Variants in TMEM268 observed in about 807,000 individuals in gnomAD.
TMEM268 encodes transmembrane protein 268.
In TMEM268, 24 loss-of-function variants were observed where a neutral mutation model predicts 39.1. The observed-to-expected ratio is 0.61, with a 90% confidence interval of 0.44 to 0.86. The LOEUF (loss-of-function observed/expected upper bound fraction) is 0.86. TMEM268 is among the 40% of genes least tolerant of loss of function. The pLI is 0.00. For synonymous variants in TMEM268, 176 were observed against 173.5 expected (o/e 1.01, Z -0.12); for missense variants, 409 against 428.6 (o/e 0.95, Z 0.40).
rs143955626 is a variant in TMEM268, at chr9:114,643,119, C to T, written c.850-15C>T. 537 of 1,613,994 alleles carry T rather than the reference C, an allele frequency of 3.3e-4. 5 individuals are homozygous for T. In the East Asian group the frequency reaches 9.9e-3, roughly 30 times the overall value. Reference sequence around the variant, plus strand: ...CTCCCCTGTGGTATTCAATCTGCTTCCCTGCCTCTTCTAGGAAATGGCCCG... The same window carrying T: ...CTCCCCTGTGGTATTCAATCTGCTTTCCTGCCTCTTCTAGGAAATGGCCCG... On this transcript the variant is annotated splice_polypyrimidine_tract_variant and intron_variant, in intron 8 of 8. Transcript: ENST00000288502.
In TMEM268 at chr9:114,611,539, CG is replaced by C. The variant is rs1845485796; in HGVS notation, c.-102del. On this transcript the variant is annotated 5_prime_UTR_variant, in exon 1 of 9. Coordinates refer to ENST00000288502, the MANE Select transcript of TMEM268 (RefSeq NM_153045.4). ...GACCTTCCGCGTCCCGGGGTGGCGG[CG>C]GCGGCGGCGGCGGCGGCGCGGGCGG... The C allele has an allele frequency of 6.1e-6, 1 of 164,712 alleles. No individual in the cohort carries two copies. The highest frequency in any genetic ancestry group is 6.7e-5 in the Admixed American group (1 of 14,880). The allele number at this position is 164,712 out of a possible 1,614,324, so 10.2% of individuals were successfully genotyped here.
chr9:114,631,750 A>G (rs560683814), intron 5 of TMEM268, among the ~76,000 whole-genome samples: 41 of 152,228 alleles, frequency 2.7e-4, no homozygotes, highest in African/African-American at 8.9e-4. Context: ...TTATTCCTCA[A>G]TTTTCATAGT....
At chr9:114,615,981 C>T (rs1051951663) in intron 1 of TMEM268, among the ~76,000 whole-genome samples, 5 of 150,982 alleles carry the variant, frequency 3.3e-5, no homozygotes, top group African/African-American at 1.2e-4. Context: ...CATGAGCCAC[C>T]GTGCTCGGCC....
intron 6 of TMEM268, among the ~76,000 whole-genome samples, chr9:114,634,738 TTATTGAGAGCC>T (rs1356652517): frequency 1.3e-5 from 2 of 152,070 alleles, no homozygotes; most frequent in Non-Finnish European, 2.9e-5. Context: ...CCACGAATGT[TTATTGAGAGCC>T]TATTGTGTAC....
At position 114,633,797 on chromosome 9, in the gene TMEM268, A is replaced by C. The variant is rs772359474; in HGVS notation, c.504A>C (p.Ala168=). 1.1e-4 allele frequency: 173 copies of C among 1,603,062 alleles called. No individual in the cohort carries two copies. The highest frequency in any genetic ancestry group is 1.5e-4 in the Non-Finnish European group (171 of 1,175,008). The change falls in exon 6 of 9, where the codon GCA becomes GCC. Residue 168 remains alanine (A), a synonymous_variant. Transcript: ENST00000288502. ...ACACCAACACGGACCTGAGGCTGGC[A>C]GCTGCCAATGGAGCCCTCCTGAGAC... ...KANTNTDLRL[A]AANGALLRHR...
chr9:114,629,625 C>T (rs1357720524), intron 5 of TMEM268, among the ~76,000 whole-genome samples: 2 of 152,222 alleles, frequency 1.3e-5, no homozygotes, highest in Admixed American at 1.3e-4. Flanking sequence ...ATTTAGACAT[C>T]TTTGGGGACC....
intron 8 of TMEM268, among the ~76,000 whole-genome samples, chr9:114,639,755 C>G (rs1403267239): frequency 6.7e-6 from 1 of 150,250 alleles, no homozygotes; most frequent in South Asian, 2.1e-4. Context: ...TGCGGTGGCT[C>G]GTGCCTGTAA....
At chr9:114,631,036 G>C (rs1296572822) in intron 5 of TMEM268, among the ~76,000 whole-genome samples, 1 of 152,254 alleles carries the variant, frequency 6.6e-6, no homozygotes, top group Non-Finnish European at 1.5e-5. Context: ...GATTTGGGCC[G>C]GGCATGGTGG....
At chr9:114,606,315 C>T (rs901286474), upstream of TMEM268, among the ~76,000 whole-genome samples, 3 of 152,152 alleles carry the variant, frequency 2.0e-5, no homozygotes, top group Admixed American at 6.5e-5. Flanking sequence ...GACTTAGGCC[C>T]GGTTTCCTGA....
At chr9:114,633,702 GC>G in intron 5 of TMEM268, 65 bp from the exon 6 acceptor site, 1 of 815,426 alleles carries the variant, frequency 1.2e-6, no homozygotes, top group Admixed American at 2.6e-5. Flanking sequence ...TGTTTCTACT[GC>G]CCAGAGCCTG....
intron 5 of TMEM268, among the ~76,000 whole-genome samples, chr9:114,630,715 T>C (rs1192426844): frequency 2.0e-5 from 3 of 152,212 alleles, no homozygotes; most frequent in African/African-American, 7.2e-5. Flanking sequence ...TGGTGTAAAG[T>C]AAATGCTTTG....
In TMEM268 at chr9:114,643,398, AG is replaced by A. The variant is rs1170763947; in HGVS notation, c.*87del. 7.9e-7 allele frequency: 1 copy of A among 1,262,434 alleles called. No homozygotes were observed. The allele number at this position is 1,262,434 out of a possible 1,614,324, so 78.2% of individuals were successfully genotyped here. ...CCCAAGATGGCCAATGGGGAGCCCCAGGTGAGGAGAGAAGCATCTGGGGGCA... is the reference window on the plus strand; with the variant it reads ...CCCAAGATGGCCAATGGGGAGCCCCAGTGAGGAGAGAAGCATCTGGGGGCA... On this transcript the variant is annotated 3_prime_UTR_variant, in exon 9 of 9. Coordinates refer to ENST00000288502, the MANE Select transcript of TMEM268 (RefSeq NM_153045.4).
At chr9:114,609,608 C>T (rs189801760), upstream of TMEM268, among the ~76,000 whole-genome samples, 68 of 150,016 alleles carry the variant, frequency 4.5e-4, no homozygotes, top group East Asian at 0.011. Context: ...TCCCTTGAGC[C>T]TGAGAGGAGA....
intron 3 of TMEM268, among the ~76,000 whole-genome samples, chr9:114,626,637 A>G (rs1846171888): frequency 1.3e-5 from 2 of 152,232 alleles, no homozygotes; most frequent in Admixed American, 1.3e-4. Flanking sequence ...TCCAGGGCCT[A>G]TGCCTTAACC....
chr9:114,609,734 G>GAAAAAGAAAAA (rs1564279418), upstream of TMEM268, among the ~76,000 whole-genome samples: 30 of 67,240 alleles, frequency 4.5e-4, no homozygotes, highest in Non-Finnish European at 5.3e-4. Context: ...AGAAAAAGAA[G>GAAAAAGAAAAA]GAAGGAAGGA....
intron 1 of TMEM268, among the ~76,000 whole-genome samples, chr9:114,612,908 G>GGGC (rs1190266938): frequency 1.3e-4 from 20 of 152,354 alleles, no homozygotes; most frequent in African/African-American, 4.1e-4. Flanking sequence ...AGATAGCACA[G>GGGC]GGCCTGGCCT....
At chr9:114,606,862 A>G (rs1009946204), upstream of TMEM268, among the ~76,000 whole-genome samples, 3 of 37,764 alleles carry the variant, frequency 7.9e-5, no homozygotes, top group African/African-American at 1.2e-4. Context: ...CTCCAAAAGA[A>G]AAAAAAAAAA....
At chr9:114,626,080 C>T (rs1306640597) in intron 3 of TMEM268, among the ~76,000 whole-genome samples, 1 of 152,164 alleles carries the variant, frequency 6.6e-6, no homozygotes, top group African/African-American at 2.4e-5. Context: ...CCGCCTTGAC[C>T]TCCCAAAGTG....
rs1047445637 is a variant in TMEM268 at position 114,626,965 on chromosome 9, A to G, written c.283A>G (p.Ile95Val). 10 of 1,613,494 alleles carry G rather than the reference A, an allele frequency of 6.2e-6. No homozygotes were observed. The highest frequency in any genetic ancestry group is 1.6e-4 in the Middle Eastern group (1 of 6,080). Residue 95 changes from isoleucine to valine, a missense_variant, in exon 4 of 9, where the codon ATC becomes GTC. Coordinates refer to ENST00000288502, the MANE Select transcript of TMEM268 (RefSeq NM_153045.4). Reference protein sequence around the residue: ...ALLEPQVRRYIIYNSRPMRLA... With the variant: ...ALLEPQVRRYVIYNSRPMRLA... ...CTTGGAGCCCCAAGTGAGAAGATAT[A>G]TCATCTACAACTCGAGGCCTATGCG...
Sources: gnomAD v4.1 joint callset for allele counts (sites outside exome capture counted in the v4.1 genomes callset) on GRCh38, gnomAD v4.1.1 for gene constraint, MANE v1.5 for transcripts, NCBI Gene and HGNC (gene_info 2026-07-23, HGNC 2026-07-21) for gene names.